Variants in SGPP2 observed in about 807,000 individuals in gnomAD.
The protein encoded by SGPP2 is sphingosine 1-phosphate phosphohydrolase 2.
SGPP2 carries 30 observed loss-of-function variants against 33.9 expected under a neutral mutation model. The observed-to-expected ratio is 0.89, with a 90% CI of 0.66 to 1.20. The LOEUF (loss-of-function observed/expected upper bound fraction) is 1.20. SGPP2 is among the 50% of genes most tolerant of loss of function. The pLI, the probability that SGPP2 is intolerant of heterozygous loss-of-function variation, is 0.00. For synonymous variants in SGPP2, 233 were observed against 225.0 expected, an observed-to-expected ratio of 1.04 and a Z score of -0.32; for missense variants, 458 against 532.1, an observed-to-expected ratio of 0.86 and a Z score of 1.37.
At chr2:222,468,417 A>G (rs943702951) in intron 1 of SGPP2, among the ~76,000 whole-genome samples, 3 of 152,138 alleles carry the variant, frequency 2.0e-5, no homozygotes, top group African/African-American at 7.2e-5. Flanking sequence ...TTAAAAAACA[A>G]CTGAGCTAAT....
chr2:222,496,307 C>T (rs944452989), intron 2 of SGPP2, among the ~76,000 whole-genome samples: 50 of 152,324 alleles, frequency 3.3e-4, no homozygotes, highest in African/African-American at 1.2e-3. Context: ...AAGTAGTAAG[C>T]AGAGTCTTAT....
At chr2:222,427,173 CCTT>C (rs1388643896) in intron 1 of SGPP2, among the ~76,000 whole-genome samples, 2 of 152,176 alleles carry the variant, frequency 1.3e-5, no homozygotes, top group African/African-American at 4.8e-5. Context: ...CTGTTATGGT[CCTT>C]ATTTTTTTCT....
In SGPP2 at chr2:222,558,365, C is replaced by G. The variant is rs557364629; in HGVS notation, c.667C>G (p.Leu223Val). The change falls in exon 5 of 5, where the codon CTG (leucine) becomes GTG (valine). Residue 223 changes from leucine (L) to valine (V), a missense_variant. Transcript: ENST00000321276. ...HTVLDVLGGV[L>V]ITALLIVLTY... is the part of the protein sequence containing the mutation. ...CCCAAAGGATGTGCTGGGTGGCGTC[C>G]TGATCACCGCACTCCTCATCGTCCT... is the stretch of plus-strand genomic sequence containing the variant. The G allele has an allele frequency of 5.0e-6, 8 of 1,614,110 alleles. No individual in the cohort carries two copies. In the Admixed American group the frequency reaches 1.2e-4, roughly 24 times the overall value.
At chr2:222,466,083 CAGG>C in intron 1 of SGPP2, among the ~76,000 whole-genome samples, 1 of 152,140 alleles carries the variant, frequency 6.6e-6, no homozygotes, top group Admixed American at 6.5e-5. Context: ...TGCTTGAAGT[CAGG>C]AGTTCAAGAC....
chr2:222,428,503 A>G (rs1172861418), intron 1 of SGPP2, among the ~76,000 whole-genome samples: 2 of 152,196 alleles, frequency 1.3e-5, no homozygotes, highest in Admixed American at 6.5e-5. Flanking sequence ...GTACTTTTTG[A>G]TAACTGCTCA....
chr2:222,477,351 G>T lies in SGPP2; in HGVS notation c.378+2625G>T, dbSNP rs1445758964. Among the ~76,000 whole-genome samples, 1 of 151,336 alleles carries T rather than the reference G, an allele frequency of 6.6e-6. No homozygotes were observed. Among genetic ancestry groups the T allele is most frequent in the Non-Finnish European group, 1.5e-5 (1 of 67,806 alleles). ...TGTCTATGTGTGTGTGTATAGGTGT[G>T]TATATATGTGTATGTGTGTATATAG... On this transcript the variant is annotated intron_variant, in intron 2 of 4. Transcript: ENST00000321276. This position sits in a 1 kb window ranked among gnomAD's most constrained non-coding sequence, Gnocchi z 6.0.
intron 4 of SGPP2, among the ~76,000 whole-genome samples, chr2:222,545,406 TG>T (rs952885755): frequency 6.6e-6 from 1 of 151,946 alleles, no homozygotes; most frequent in African/African-American, 2.4e-5. Flanking sequence ...CTCAGGCTCC[TG>T]AGTAGCTGGG....
intron 3 of SGPP2, 75 bp downstream of exon 3, chr2:222,522,021 T>A: frequency 7.3e-7 from 1 of 1,363,826 alleles, no homozygotes; most frequent in Non-Finnish European, 9.8e-7. Flanking sequence ...AATTTTCTCT[T>A]AAAGCTGCTT....
chr2:222,475,069 C>A (rs534995116), intron 2 of SGPP2, among the ~76,000 whole-genome samples: 10 of 152,146 alleles, frequency 6.6e-5, no homozygotes, highest in South Asian at 6.2e-4. Flanking sequence ...AGGGAGAGGA[C>A]CAGTTTTAGG....
At position 222,476,828 on chromosome 2, in the gene SGPP2, A is replaced by G. The variant is rs769919671; in HGVS notation, c.378+2102A>G. Among the ~76,000 whole-genome samples the G allele has an allele frequency of 1.3e-5, 2 of 151,438 alleles. No individual in the cohort carries two copies. The highest frequency in any genetic ancestry group is 2.9e-5 in the Non-Finnish European group (2 of 67,804). ...TCCGTGCGTGTATATAGGTGTGTGT[A>G]TATGTGTATGTGTGTATATAGGTGT... On this transcript the variant is annotated intron_variant, in intron 2 of 4. Coordinates refer to ENST00000321276, the MANE Select transcript of SGPP2 (RefSeq NM_152386.4). The surrounding 1 kb of genome is among the most constrained non-coding windows in gnomAD (Gnocchi z 4.3).
In SGPP2 at chr2:222,475,759, C is replaced by T. The variant is rs777434659; in HGVS notation, c.378+1033C>T. 1.5e-4 allele frequency among the ~76,000 whole-genome samples: 23 copies of T among 152,170 alleles called. 1 individual carries two copies. Among genetic ancestry groups the T allele is most frequent in the Non-Finnish European group, 2.1e-4 (14 of 68,046 alleles). On this transcript the variant is annotated intron_variant, in intron 2 of 4. Coordinates refer to ENST00000321276, the MANE Select transcript of SGPP2 (RefSeq NM_152386.4). ...GTGTCTCATTGAAGGAGATGGTAGTCATTTGCAAGGCAGCAAGGCATACTC... is the reference window on the plus strand; with the variant it reads ...GTGTCTCATTGAAGGAGATGGTAGTTATTTGCAAGGCAGCAAGGCATACTC...
chr2:222,442,638 T>C (rs1369773792), intron 1 of SGPP2, among the ~76,000 whole-genome samples: 1 of 152,184 alleles, frequency 6.6e-6, no homozygotes, highest in African/African-American at 2.4e-5. Flanking sequence ...AAATACCTAG[T>C]CCCCTAGGTG....
At chr2:222,493,438 C>G (rs756075710) in intron 2 of SGPP2, among the ~76,000 whole-genome samples, 1 of 152,184 alleles carries the variant, frequency 6.6e-6, no homozygotes, top group Non-Finnish European at 1.5e-5. Flanking sequence ...TTACTTCCCA[C>G]CTGGGCCCTC....
intron 4 of SGPP2, among the ~76,000 whole-genome samples, chr2:222,555,445 G>GTTTTTT: frequency 1.2e-5 from 1 of 85,874 alleles, no homozygotes; most frequent in Non-Finnish European, 2.3e-5. Context: ...TCTTTTATCC[G>GTTTTTT]TTTTTTTTTT....
chr2:222,476,296 C>T lies in SGPP2; in HGVS notation c.378+1570C>T, dbSNP rs373210588. 6.6e-5 allele frequency among the ~76,000 whole-genome samples: 10 copies of T among 152,160 alleles called. 1 individual carries two copies. In the East Asian group the frequency reaches 7.7e-4, roughly 12 times the overall value. On this transcript the variant is annotated intron_variant, in intron 2 of 4. Coordinates refer to ENST00000321276, the MANE Select transcript of SGPP2 (RefSeq NM_152386.4). The surrounding 1 kb of genome is among the most constrained non-coding windows in gnomAD (Gnocchi z 4.3). ...GGGGACAGAAATAAAGCAGCAATGT[C>T]CTGGGCCAGGGTGAGGGGTGGCAAG... is the stretch of plus-strand genomic sequence containing the variant.
intron 2 of SGPP2, among the ~76,000 whole-genome samples, chr2:222,484,633 A>G (rs1227143066): frequency 6.6e-6 from 1 of 152,118 alleles, no homozygotes; most frequent in East Asian, 1.9e-4. Flanking sequence ...GTCATTGCCA[A>G]GTTACATGTA....
At chr2:222,529,314 C>A (rs1222982174) in intron 4 of SGPP2, among the ~76,000 whole-genome samples, 1 of 152,016 alleles carries the variant, frequency 6.6e-6, no homozygotes, top group Non-Finnish European at 1.5e-5. Flanking sequence ...ACATCTAATT[C>A]TAGTTCTCTT....
chr2:222,459,142 CTTTTTTTTTTTTT>C (rs1164145783), intron 1 of SGPP2, among the ~76,000 whole-genome samples: 1 of 94,462 alleles, frequency 1.1e-5, no homozygotes, highest in Admixed American at 1.2e-4. Context: ...TTCTTTCTTT[CTTTTTTTTTTTTT>C]TTTTTTTTTG....
chr2:222,485,507 G>C (rs1235727941), intron 2 of SGPP2, among the ~76,000 whole-genome samples: 1 of 152,244 alleles, frequency 6.6e-6, no homozygotes, highest in Non-Finnish European at 1.5e-5. Flanking sequence ...GCTGCCTGCA[G>C]ATCCTGTGGG....
Sources: gnomAD v4.1 joint callset for allele counts (sites outside exome capture counted in the v4.1 genomes callset) on GRCh38, gnomAD v4.1.1 for gene constraint, Gnocchi (gnomAD v3.1) non-coding constraint, MANE v1.5 for transcripts, NCBI Gene and HGNC (gene_info 2026-07-23, HGNC 2026-07-21) for gene names.